Variants in PCDHGA10 observed in about 807,000 individuals in gnomAD.
The protein encoded by PCDHGA10 is protocadherin gamma-A10.
In PCDHGA10, 42 loss-of-function variants were observed where a neutral mutation model predicts 59.5. That is an observed-to-expected ratio of 0.71 (90% CI 0.55 to 0.91). The LOEUF (loss-of-function observed/expected upper bound fraction) is 0.91. Ranked by LOEUF, PCDHGA10 falls within the 40% of genes least tolerant of loss-of-function variation. The pLI, the probability that PCDHGA10 is intolerant of heterozygous loss-of-function variation, is 0.00. For synonymous variants in PCDHGA10, 511 were observed against 517.2 expected (o/e 0.99, Z 0.16); for missense variants, 1,111 against 1,198.2 (o/e 0.93, Z 1.07).
chr5:141,416,990 A>C (rs912916110), intron 1 of PCDHGA10: 20 of 151,946 alleles, frequency 1.3e-4, no homozygotes, highest in African/African-American at 4.1e-4. Flanking sequence ...ATTATTGTGC[A>C]TTCATCTCAA....
chr5:141,491,742 C>T lies in PCDHGA10; in HGVS notation c.2437-3065C>T. On this transcript the variant is annotated intron_variant, in intron 1 of 3. Transcript: ENST00000398610. This position sits in a 1 kb window ranked among gnomAD's most constrained non-coding sequence, Gnocchi z 6.9. ...CGCCCCGGGCGACCCCTGGGGGCGG[C>T]ACTGGAGAAGCCGCCCGTCCTCATA... 6.3e-7 allele frequency: 1 copy of T among 1,596,114 alleles called. No individual in the cohort carries two copies. Among genetic ancestry groups the T allele is most frequent in the African/African-American group, 1.3e-5 (1 of 74,260 alleles).
rs1361609314 is a variant in PCDHGA10 at position 141,423,642 on chromosome 5, TGACCC to T, written c.2436+8035_2436+8039del. 6 of 1,596,888 alleles carry T rather than the reference TGACCC, an allele frequency of 3.8e-6. No individual in the cohort carries two copies. In the South Asian group the frequency reaches 5.7e-5, roughly 15 times the overall value. ...ACTCAGCTATCATTTTAGGCAAATGTGACCCGACAAGTAATCAGGTGAGATTTATT... is the reference window on the plus strand; with the variant it reads ...ACTCAGCTATCATTTTAGGCAAATGTGACAAGTAATCAGGTGAGATTTATT... On this transcript the variant is annotated intron_variant, in intron 1 of 3. Transcript: ENST00000398610.
rs745435492 is a variant in PCDHGA10, at chr5:141,489,215, A to G, written c.2437-5592A>G. The G allele has an allele frequency of 4.1e-6, 6 of 1,475,362 alleles. No homozygotes were observed. Among genetic ancestry groups the G allele is most frequent in the Non-Finnish European group, 5.5e-6 (6 of 1,093,140 alleles). 91.4% of individuals were successfully genotyped at this position (1,475,362 alleles called of 1,614,324 possible). A position where few individuals can be genotyped will look rare whatever the true frequency, so the allele number is the denominator to read the frequency against. ...CTTGGAGACAGGACAGCACAGACTT[A>G]CTCTCCACAAAGGGACTTCTGGGTC... On this transcript the variant is annotated intron_variant, in intron 1 of 3. Coordinates refer to ENST00000398610, the MANE Select transcript of PCDHGA10 (RefSeq NM_018913.3). The surrounding 1 kb of genome is among the most constrained non-coding windows in gnomAD (Gnocchi z 4.5).
chr5:141,474,208 A>C (rs1243312558), intron 1 of PCDHGA10, among the ~76,000 whole-genome samples: 1 of 152,242 alleles, frequency 6.6e-6, no homozygotes, highest in Non-Finnish European at 1.5e-5. Context: ...TGATTTTCAA[A>C]AACCAGATTG....
At chr5:141,450,982 A>G (rs746572732) in intron 1 of PCDHGA10, among the ~76,000 whole-genome samples, 18 of 151,360 alleles carry the variant, frequency 1.2e-4, no homozygotes, top group Non-Finnish European at 1.9e-4. Context: ...GTGCCACCAC[A>G]CCCGGCTAAT....
In PCDHGA10 at chr5:141,485,669, T is replaced by G. The variant is rs754363407; in HGVS notation, c.2437-9138T>G. ...TCAGGATGCAGATGTGGGGAGCAATTCGATTAGCAGCTATAGGCTGAGCTC... is the reference window on the plus strand; with the variant it reads ...TCAGGATGCAGATGTGGGGAGCAATGCGATTAGCAGCTATAGGCTGAGCTC... On this transcript the variant is annotated intron_variant, in intron 1 of 3. Transcript: ENST00000398610. The surrounding 1 kb of genome is among the most constrained non-coding windows in gnomAD (Gnocchi z 5.7). 1.9e-6 allele frequency: 3 copies of G among 1,612,788 alleles called. 1 individual carries two copies. Among genetic ancestry groups the G allele is most frequent in the Admixed American group, 1.7e-5 (1 of 59,980 alleles).
chr5:141,485,654 G>A lies in PCDHGA10; in HGVS notation c.2437-9153G>A, dbSNP rs2099617203. 6.2e-7 allele frequency: 1 copy of A among 1,612,482 alleles called. No individual in the cohort carries two copies. The highest frequency in any genetic ancestry group is 8.5e-7 in the Non-Finnish European group (1 of 1,178,842). On this transcript the variant is annotated intron_variant, in intron 1 of 3. Coordinates refer to ENST00000398610, the MANE Select transcript of PCDHGA10 (RefSeq NM_018913.3). The surrounding 1 kb of genome is among the most constrained non-coding windows in gnomAD (Gnocchi z 5.7). ...CCCGTTGGAAAAGGCTCAGGATGCA[G>A]ATGTGGGGAGCAATTCGATTAGCAG... is the stretch of plus-strand genomic sequence containing the variant.
chr5:141,454,081 T>C (rs1009599234), intron 1 of PCDHGA10, among the ~76,000 whole-genome samples: 2 of 152,198 alleles, frequency 1.3e-5, no homozygotes, highest in African/African-American at 4.8e-5. Flanking sequence ...ATGTTTTCAG[T>C]GAAATTTGAA....
chr5:141,420,080 C>T (rs754438863), intron 1 of PCDHGA10: 2 of 1,614,010 alleles, frequency 1.2e-6, no homozygotes, highest in Non-Finnish European at 1.7e-6. Context: ...TGTGGGTCCC[C>T]CCAACTACAG....
At position 141,432,065 on chromosome 5, in the gene PCDHGA10, AC is replaced by A; in HGVS notation, c.2436+16455del. 1.2e-6 allele frequency: 2 copies of A among 1,614,048 alleles called. No homozygotes were observed. The highest frequency in any genetic ancestry group is 1.7e-6 in the Non-Finnish European group (2 of 1,180,006). On this transcript the variant is annotated intron_variant, in intron 1 of 3. Transcript: ENST00000398610. The surrounding 1 kb of genome is among the most constrained non-coding windows in gnomAD (Gnocchi z 6.0). ...GGGAACCCCGCCCCTATCCACGGAA[AC>A]TCATATCTCGCTGAACGTGGCAGAC...
At chr5:141,478,675 G>T in intron 1 of PCDHGA10, 1 of 1,551,574 alleles carries the variant, frequency 6.4e-7, no homozygotes, top group Non-Finnish European at 8.7e-7. Flanking sequence ...ACTTTCAACT[G>T]GCCCTTCCTA....
chr5:141,478,576 G>C (rs543160289), intron 1 of PCDHGA10: 3 of 1,585,598 alleles, frequency 1.9e-6, no homozygotes, highest in Middle Eastern at 3.3e-4. Flanking sequence ...GCTTGACCCT[G>C]TTAGTGCTTT....
rs574059424 is a variant in PCDHGA10 at position 141,426,522 on chromosome 5, G to A, written c.2436+10911G>A. On this transcript the variant is annotated intron_variant, in intron 1 of 3. Transcript: ENST00000398610. ...AGAAACAATACTTTACCGTGAACAC[G>A]GAGAATGGGAACATACTTGTGAGTG... is the stretch of plus-strand genomic sequence containing the variant. The A allele has an allele frequency of 4.4e-5, 15 of 341,518 alleles. No individual in the cohort carries two copies. In the East Asian group the frequency reaches 6.0e-4, roughly 14 times the overall value. 21.2% of individuals were successfully genotyped at this position (341,518 alleles called of 1,614,324 possible).
chr5:141,453,032 G>A (rs2098754281), intron 1 of PCDHGA10, among the ~76,000 whole-genome samples: 1 of 152,132 alleles, frequency 6.6e-6, no homozygotes, highest in Admixed American at 6.5e-5. Flanking sequence ...TTAAAATAAA[G>A]TTTGTTTCTA....
At chr5:141,504,378 C>T (rs2099837786) in intron 2 of PCDHGA10, among the ~76,000 whole-genome samples, 1 of 152,052 alleles carries the variant, frequency 6.6e-6, no homozygotes, top group Non-Finnish European at 1.5e-5. Flanking sequence ...CAGGTGGAGT[C>T]GCTGCCTCAC....
intron 1 of PCDHGA10, chr5:141,421,399 C>G: frequency 4.3e-6 from 7 of 1,614,046 alleles, no homozygotes; most frequent in Non-Finnish European, 5.1e-6. Context: ...GCTGGAGCCC[C>G]GGGAGCTGGC....
Position 141,493,404 on chromosome 5 carries a change from C to T in PCDHGA10, c.2437-1403C>T, listed in dbSNP as rs2099748048. Among the ~76,000 whole-genome samples, 1 of 152,148 alleles carries T rather than the reference C, an allele frequency of 6.6e-6. No individual in the cohort carries two copies. Among genetic ancestry groups the T allele is most frequent in the South Asian group, 2.1e-4 (1 of 4,826 alleles). ...CTTGAGGACAGGAGAGGGGAGTTGC[C>T]TCTGCTGGGATTTTGCTTCTGCTGG... On this transcript the variant is annotated intron_variant, in intron 1 of 3. Transcript: ENST00000398610. The surrounding 1 kb of genome is among the most constrained non-coding windows in gnomAD (Gnocchi z 4.3).
intron 1 of PCDHGA10, chr5:141,428,413 C>A: frequency 2.2e-6 from 1 of 461,904 alleles, no homozygotes; most frequent in Non-Finnish European, 4.0e-6. Context: ...TTGCTTTCAC[C>A]CTGGTCTCTG....
intron 1 of PCDHGA10, chr5:141,441,978 A>T (rs769977785): frequency 9.1e-5 from 26 of 285,248 alleles, no homozygotes; most frequent in Non-Finnish European, 1.8e-4. Flanking sequence ...TCAGCCTGGA[A>T]TGCGCACCGA....
Sources: allele counts gnomAD v4.1 joint callset (sites outside exome capture counted in the v4.1 genomes callset), GRCh38; gene constraint gnomAD v4.1.1; non-coding constraint Gnocchi (gnomAD v3.1); transcripts MANE v1.5; gene names NCBI Gene and HGNC (gene_info 2026-07-23, HGNC 2026-07-21).